Variants in SAMMSON observed in about 807,000 individuals in gnomAD.
SAMMSON encodes survival associated mitochondrial melanoma specific oncogenic non-coding RNA.
At chr3:70,143,397 T>A (rs1576133966) in intron 4 of SAMMSON, among the ~76,000 whole-genome samples, 1 of 151,728 alleles carries the variant, frequency 6.6e-6, no homozygotes, top group African/African-American at 2.4e-5. Context: ...TAATGGCCAG[T>A]GGAGGTGGAA....
At chr3:70,369,162 T>G (rs987644642) in intron 9 of SAMMSON, among the ~76,000 whole-genome samples, 2 of 151,674 alleles carry the variant, frequency 1.3e-5, no homozygotes, top group African/African-American at 2.4e-5. Context: ...TAACTCCAAT[T>G]ATTTGAAAGC....
At position 70,291,176 on chromosome 3, in the gene SAMMSON, C is replaced by T. The variant is rs1043982244; in HGVS notation, n.675-3C>T. The T allele has an allele frequency of 2.0e-5, 3 of 152,134 alleles. No individual in the cohort carries two copies. The East Asian group carries it at 5.8e-4, about 29-fold the overall frequency. The allele number at this position is 152,134 out of a possible 1,614,324, so 9.4% of individuals were successfully genotyped here. On this transcript the variant is annotated splice_polypyrimidine_tract_variant and splice_region_variant and intron_variant and non_coding_transcript_variant, in intron 6 of 9. Transcript: ENST00000642114. ...TTCACATATTTGCATGTTTAACATCCAGGGCCCTGGAGCCAGACTGTCTGG... is the reference window on the plus strand; with the variant it reads ...TTCACATATTTGCATGTTTAACATCTAGGGCCCTGGAGCCAGACTGTCTGG...
chr3:70,277,110 T>C (rs9855222), intron 6 of SAMMSON, among the ~76,000 whole-genome samples: 107,569 of 152,120 alleles, frequency 0.71, 39,997 homozygotes, highest in Non-Finnish European at 0.84. Context: ...AAACATTGGC[T>C]AAGTCTGTGT....
chr3:70,051,841 T>C (rs2067147646), intron 3 of SAMMSON, among the ~76,000 whole-genome samples: 1 of 152,122 alleles, frequency 6.6e-6, no homozygotes, highest in South Asian at 2.1e-4. Flanking sequence ...CTCATGCATT[T>C]AATCCCAGCA....
chr3:70,396,878 G>C (rs1395189186), intron 2 of SAMMSON, among the ~76,000 whole-genome samples: 1 of 152,038 alleles, frequency 6.6e-6, no homozygotes, highest in Non-Finnish European at 1.5e-5. Context: ...AGTTTGAGAA[G>C]GAAAGCAAAA....
chr3:70,334,956 A>C (rs1342150404), intron 7 of SAMMSON, among the ~76,000 whole-genome samples: 1 of 151,878 alleles, frequency 6.6e-6, no homozygotes, highest in Non-Finnish European at 1.5e-5. Context: ...TGGATACCTG[A>C]ATTTATTCAT....
chr3:70,430,264 T>TTGCAG (rs1163504947), intron 2 of SAMMSON, among the ~76,000 whole-genome samples: 1 of 152,178 alleles, frequency 6.6e-6, no homozygotes, highest in Non-Finnish European at 1.5e-5. Context: ...TGTGATGGAT[T>TTGCAG]ACGTTTATTG....
intron 2 of SAMMSON, among the ~76,000 whole-genome samples, chr3:70,400,979 G>C (rs1017940177): frequency 6.6e-6 from 1 of 151,946 alleles, no homozygotes; most frequent in African/African-American, 2.4e-5. Flanking sequence ...AAGTAGAGGT[G>C]GTTGTCATTC....
intron 7 of SAMMSON, among the ~76,000 whole-genome samples, chr3:70,330,345 T>C (rs1702613770): frequency 1.3e-5 from 2 of 151,990 alleles, no homozygotes; most frequent in Non-Finnish European, 2.9e-5. Context: ...TTTGAGAACA[T>C]ATCAGTAATC....
At chr3:70,037,681 A>G (rs182115807) in intron 3 of SAMMSON, among the ~76,000 whole-genome samples, 3 of 152,248 alleles carry the variant, frequency 2.0e-5, no homozygotes, top group East Asian at 1.9e-4. Context: ...GAAGACTCCA[A>G]TGCTATTTCA....
At chr3:70,037,023 G>A (rs2067087950) in intron 3 of SAMMSON, among the ~76,000 whole-genome samples, 1 of 152,088 alleles carries the variant, frequency 6.6e-6, no homozygotes, top group Non-Finnish European at 1.5e-5. Flanking sequence ...AGGAATAGAA[G>A]AGGACATTTA....
intron 4 of SAMMSON, among the ~76,000 whole-genome samples, chr3:70,227,871 AG>A (rs1171011055): frequency 1.3e-5 from 2 of 152,186 alleles, no homozygotes; most frequent in African/African-American, 4.8e-5. Context: ...ATTTGAATAC[AG>A]GAAGTCTGGT....
chr3:70,268,303 C>T (rs879447575), intron 6 of SAMMSON, among the ~76,000 whole-genome samples: 5 of 151,920 alleles, frequency 3.3e-5, no homozygotes, highest in African/African-American at 7.3e-5. Flanking sequence ...AAACACCCAC[C>T]GTCTGTACTA....
At chr3:70,010,531 A>G (rs971254543) in intron 1 of SAMMSON, among the ~76,000 whole-genome samples, 12 of 151,988 alleles carry the variant, frequency 7.9e-5, no homozygotes, top group Non-Finnish European at 1.5e-4. Context: ...GATGGATGCT[A>G]TTTTCACTGA....
At chr3:70,374,708 C>G (rs192541323) in intron 9 of SAMMSON, among the ~76,000 whole-genome samples, 1 of 152,270 alleles carries the variant, frequency 6.6e-6, no homozygotes, top group East Asian at 1.9e-4. Context: ...AATACCACTA[C>G]AGTGGGGTCA....
intron 7 of SAMMSON, among the ~76,000 whole-genome samples, chr3:70,314,889 T>G (rs1380675141): frequency 6.6e-6 from 1 of 152,152 alleles, no homozygotes; most frequent in South Asian, 2.1e-4. Context: ...TGTTCATTTT[T>G]ATATACTTGT....
intron 2 of SAMMSON, among the ~76,000 whole-genome samples, chr3:70,416,904 T>C (rs1701268893): frequency 6.6e-6 from 1 of 152,164 alleles, no homozygotes; most frequent in Admixed American, 6.5e-5. Context: ...AGTAAGCCAT[T>C]GCTCAGGGTC....
chr3:70,325,545 T>A (rs1702572110), intron 7 of SAMMSON, among the ~76,000 whole-genome samples: 1 of 152,164 alleles, frequency 6.6e-6, no homozygotes, highest in South Asian at 2.1e-4. Context: ...AAACATTTTA[T>A]TAGAACAGTA....
chr3:70,371,038 A>G (rs1165153891), intron 9 of SAMMSON, among the ~76,000 whole-genome samples: 1 of 152,028 alleles, frequency 6.6e-6, no homozygotes, highest in Non-Finnish European at 1.5e-5. Context: ...GCATGTTGCT[A>G]TGCAATTTTC....
Sources: allele counts gnomAD v4.1 joint callset (sites outside exome capture counted in the v4.1 genomes callset), GRCh38; gene constraint gnomAD v4.1.1; transcripts MANE v1.5; gene names NCBI Gene and HGNC (gene_info 2026-07-23, HGNC 2026-07-21).